The following ANO2 variants were observed in gnomAD, a reference collection of about 807,000 sequenced individuals.
ANO2 encodes anoctamin 2.
Under a neutral mutation model 124.2 loss-of-function variants are expected in ANO2, and 101 were observed. That is an observed-to-expected ratio of 0.81 (90% CI 0.69 to 0.96). The LOEUF is 0.96. ANO2 is among the 40% of genes least tolerant of loss of function. The pLI, the probability that ANO2 is intolerant of heterozygous loss-of-function variation, is 0.00. For missense variants in ANO2, 1,293 were observed against 1,274.5 expected (o/e 1.01, Z -0.22); for synonymous variants, 486 against 482.5 (o/e 1.01, Z -0.09).
intron 7 of ANO2, among the ~76,000 whole-genome samples, chr12:5,812,402 A>AG (rs1953428168): frequency 7.3e-6 from 1 of 136,192 alleles, no homozygotes; most frequent in African/African-American, 2.8e-5. Context: ...GAAGGAAGGA[A>AG]GGAGGGAGGG....
Position 5,750,989 on chromosome 12 carries a change from A to G in ANO2, c.1056-19T>C. The G allele has an allele frequency of 6.3e-7, 1 of 1,576,788 alleles. No homozygotes were observed. The highest frequency in any genetic ancestry group is 8.6e-7 in the Non-Finnish European group (1 of 1,159,828). ...ATACTTTCTGGAAAAGAAAGAAAAGAAAATGAAACACATATTAAGAACATC... is the reference window on the plus strand; with the variant it reads ...ATACTTTCTGGAAAAGAAAGAAAAGGAAATGAAACACATATTAAGAACATC... On this transcript the variant is annotated intron_variant, in intron 10 of 24. Coordinates refer to ENST00000682330, the MANE Select transcript of ANO2 (RefSeq NM_001364791.2).
intron 3 of ANO2, among the ~76,000 whole-genome samples, chr12:5,906,533 A>G (rs888031285): frequency 3.9e-5 from 6 of 152,108 alleles, no homozygotes; most frequent in Admixed American, 3.9e-4. Flanking sequence ...GCAGTGGCTC[A>G]TGCCTGTAAT....
At chr12:5,715,841 T>C (rs1460890078) in intron 14 of ANO2, among the ~76,000 whole-genome samples, 1 of 152,222 alleles carries the variant, frequency 6.6e-6, no homozygotes, top group Non-Finnish European at 1.5e-5. Flanking sequence ...ATAATGCTCC[T>C]GAAATAGCCC....
chr12:5,740,575 G>A (rs1565630300), intron 12 of ANO2: 1 of 152,466 alleles, frequency 6.6e-6, no homozygotes, highest in Non-Finnish European at 1.5e-5. Context: ...TACAATACAA[G>A]ACATAAAGTG....
At position 5,765,272 on chromosome 12, in the gene ANO2, G is replaced by T. The variant is rs574003688; in HGVS notation, c.1056-14302C>A. On this transcript the variant is annotated intron_variant, in intron 10 of 24. Transcript: ENST00000682330. ...TAACCAACTGTACATAGCATCTCTC[G>T]ATTGGAAAGCTGAAACCCAGGTACC... 5.6e-4 allele frequency among the ~76,000 whole-genome samples: 85 copies of T among 152,164 alleles called. 2 individuals carry two copies. Among genetic ancestry groups the T allele is most frequent in the Admixed American group, 4.8e-3 (73 of 15,286 alleles).
At chr12:5,859,060 C>T (rs2137262250) in intron 3 of ANO2, among the ~76,000 whole-genome samples, 1 of 152,288 alleles carries the variant, frequency 6.6e-6, no homozygotes, top group Non-Finnish European at 1.5e-5. Flanking sequence ...GGAAATTTAA[C>T]ACAACATGAA....
intron 14 of ANO2, among the ~76,000 whole-genome samples, chr12:5,695,517 A>G (rs1468697956): frequency 1.3e-5 from 2 of 152,232 alleles, no homozygotes; most frequent in Non-Finnish European, 2.9e-5. Context: ...CCACCCCTAC[A>G]TCAATAGAAA....
At chr12:5,673,530 T>C (rs1565551266) in intron 14 of ANO2, among the ~76,000 whole-genome samples, 1 of 152,238 alleles carries the variant, frequency 6.6e-6, no homozygotes. Context: ...CTTTGCTCTT[T>C]AAGTGAATAA....
intron 3 of ANO2, among the ~76,000 whole-genome samples, chr12:5,905,931 A>G (rs748023474): frequency 6.6e-6 from 1 of 152,018 alleles, no homozygotes; most frequent in Non-Finnish European, 1.5e-5. Flanking sequence ...TCTCTCCCCT[A>G]TCCCTTCATC....
At chr12:5,858,208 T>C (rs1316858129) in intron 3 of ANO2, among the ~76,000 whole-genome samples, 1 of 152,196 alleles carries the variant, frequency 6.6e-6, no homozygotes, top group African/African-American at 2.4e-5. Flanking sequence ...AAATGATATA[T>C]TAGGGGTGAC....
intron 14 of ANO2, among the ~76,000 whole-genome samples, chr12:5,727,634 CCT>C (rs140511049): frequency 0.33 from 43,473 of 132,394 alleles, 6,477 homozygotes; most frequent in East Asian, 0.51. Flanking sequence ...CTCACCACTT[CCT>C]TTTTTTTTTT....
chr12:5,787,009 G>A lies in ANO2; in HGVS notation c.1055+12498C>T, dbSNP rs1952559447. ...CCACCATAGGTGAGCAGGGAGAGAT[G>A]CTTCATGTCCACTGGAGCACAACCT... is the stretch of plus-strand genomic sequence containing the variant. On this transcript the variant is annotated intron_variant, in intron 10 of 24. Coordinates refer to ENST00000682330, the MANE Select transcript of ANO2 (RefSeq NM_001364791.2). This position sits in a 1 kb window ranked among gnomAD's most constrained non-coding sequence, Gnocchi z 4.2. Among the ~76,000 whole-genome samples the A allele has an allele frequency of 6.6e-6, 1 of 152,164 alleles. No individual in the cohort carries two copies. The highest frequency in any genetic ancestry group is 2.4e-5 in the African/African-American group (1 of 41,436).
At chr12:5,591,623 C>T (rs572603813) in intron 20 of ANO2, among the ~76,000 whole-genome samples, 1 of 152,268 alleles carries the variant, frequency 6.6e-6, no homozygotes, top group African/African-American at 2.4e-5. Context: ...GATCGTTCTC[C>T]TTGGTAGGTC....
At chr12:5,808,907 C>T (rs897416077) in intron 7 of ANO2, among the ~76,000 whole-genome samples, 1 of 152,154 alleles carries the variant, frequency 6.6e-6, no homozygotes. Flanking sequence ...TTGGATGGCA[C>T]AAAGACTATT....
chr12:5,623,928 G>C (rs967368642), intron 16 of ANO2, among the ~76,000 whole-genome samples: 2 of 152,148 alleles, frequency 1.3e-5, no homozygotes, highest in African/African-American at 4.8e-5. Flanking sequence ...CTGTTGCCCT[G>C]GTAGTGCCAT....
intron 10 of ANO2, among the ~76,000 whole-genome samples, chr12:5,795,903 C>T (rs920394372): frequency 6.6e-6 from 1 of 152,122 alleles, no homozygotes; most frequent in African/African-American, 2.4e-5. Context: ...CAGAAATGTC[C>T]TTCTCCAGCT....
intron 19 of ANO2, among the ~76,000 whole-genome samples, chr12:5,610,895 T>G (rs924434093): frequency 6.8e-6 from 1 of 147,618 alleles, no homozygotes; most frequent in Non-Finnish European, 1.5e-5. Flanking sequence ...AAGAAAATGA[T>G]GGCAGTCCAT....
chr12:5,737,618 A>G (rs1950927070), intron 13 of ANO2, among the ~76,000 whole-genome samples: 1 of 152,108 alleles, frequency 6.6e-6, no homozygotes, highest in Non-Finnish European at 1.5e-5. Flanking sequence ...CTTTTTTGGA[A>G]ACATTCTACG....
At position 5,658,172 on chromosome 12, in the gene ANO2, C is replaced by T. The variant is rs1256873974; in HGVS notation, c.1546-10371G>A. Among the ~76,000 whole-genome samples the T allele has an allele frequency of 6.6e-6, 1 of 152,166 alleles. No homozygotes were observed. Among genetic ancestry groups the T allele is most frequent in the Non-Finnish European group, 1.5e-5 (1 of 68,040 alleles). Reference sequence around the variant, plus strand: ...GAGGTGGCTGCCTGGGTTCAATTCCCAGCTTGCACGCTAATTGAACGTGTG... The same window carrying T: ...GAGGTGGCTGCCTGGGTTCAATTCCTAGCTTGCACGCTAATTGAACGTGTG... On this transcript the variant is annotated intron_variant, in intron 14 of 24. Transcript: ENST00000682330. The surrounding 1 kb of genome is among the most constrained non-coding windows in gnomAD (Gnocchi z 4.3).
Sources: allele counts gnomAD v4.1 joint callset (sites outside exome capture counted in the v4.1 genomes callset), GRCh38; gene constraint gnomAD v4.1.1; non-coding constraint Gnocchi (gnomAD v3.1); transcripts MANE v1.5; gene names NCBI Gene and HGNC (gene_info 2026-07-23, HGNC 2026-07-21).